Variants in CACNG2 observed in about 807,000 individuals in gnomAD.
The protein encoded by CACNG2 is calcium voltage-gated channel auxiliary subunit gamma 2.
A neutral mutation model predicts 25.9 loss-of-function variants in CACNG2; 3 were observed. The observed-to-expected ratio is 0.12, with a 90% confidence interval of 0.05 to 0.30. The LOEUF (loss-of-function observed/expected upper bound fraction) is 0.30. CACNG2 is among the 10% of genes least tolerant of loss of function. The pLI is 1.00. For missense variants in CACNG2, 341 were observed against 432.5 expected, an observed-to-expected ratio of 0.79 and a Z score of 1.88; for synonymous variants, 167 against 173.3, an observed-to-expected ratio of 0.96 and a Z score of 0.29.
chr22:36,694,327 T>C (rs909844247), intron 1 of CACNG2, among the ~76,000 whole-genome samples: 3 of 152,170 alleles, frequency 2.0e-5, no homozygotes, highest in East Asian at 1.9e-4. Context: ...ATTAGCGGTG[T>C]CTTAGAACTG....
At chr22:36,627,065 C>A (rs1936195747) in intron 1 of CACNG2, among the ~76,000 whole-genome samples, 1 of 152,244 alleles carries the variant, frequency 6.6e-6, no homozygotes, top group South Asian at 2.1e-4. Context: ...AAGTCTGTCA[C>A]TCCTCTGAGG....
intron 1 of CACNG2, among the ~76,000 whole-genome samples, chr22:36,613,005 T>A (rs1446089697): frequency 1.3e-5 from 2 of 152,208 alleles, no homozygotes; most frequent in Admixed American, 6.5e-5. Flanking sequence ...CACTGGCAAG[T>A]AAGTTTGGGA....
intron 1 of CACNG2, among the ~76,000 whole-genome samples, chr22:36,664,450 G>A (rs1413014060): frequency 6.6e-6 from 1 of 152,210 alleles, no homozygotes; most frequent in Non-Finnish European, 1.5e-5. Context: ...GCGTCCCTGG[G>A]TGCCAGGCCC....
chr22:36,703,115 C>G lies in CACNG2; in HGVS notation c.-539G>C, dbSNP rs1463772876. The stretch of plus-strand genomic sequence containing the variant: ...TGCGCCATGAAAATCCTTTGCTTCG[C>G]CAGTTCTCTTCCTTGGGGGGTCTCG... On this transcript the variant is annotated 5_prime_UTR_variant, in exon 1 of 4. Transcript: ENST00000300105. The G allele has an allele frequency of 6.3e-6, 1 of 158,368 alleles. No homozygotes were observed. Among genetic ancestry groups the G allele is most frequent in the African/African-American group, 2.4e-5 (1 of 41,476 alleles). The allele number at this position is 158,368 out of a possible 1,614,324, so 9.8% of individuals were successfully genotyped here.
chr22:36,680,962 C>A (rs746408261), intron 1 of CACNG2, among the ~76,000 whole-genome samples: 29 of 151,882 alleles, frequency 1.9e-4, no homozygotes, highest in Non-Finnish European at 3.5e-4. Context: ...AGATTCTTTT[C>A]TTTTCCTGTC....
At chr22:36,595,843 C>A (rs1935670505) in intron 1 of CACNG2, among the ~76,000 whole-genome samples, 1 of 152,230 alleles carries the variant, frequency 6.6e-6, no homozygotes, top group Non-Finnish European at 1.5e-5. Context: ...TGAGTTCAGG[C>A]CCCGCTGAGG....
At chr22:36,695,103 C>A (rs964824393) in intron 1 of CACNG2, among the ~76,000 whole-genome samples, 2 of 152,096 alleles carry the variant, frequency 1.3e-5, no homozygotes, top group Non-Finnish European at 2.9e-5. Flanking sequence ...GTCTTCTCAG[C>A]TACTTCAAAG....
intron 1 of CACNG2, among the ~76,000 whole-genome samples, chr22:36,660,472 T>A (rs932306581): frequency 1.3e-5 from 2 of 152,252 alleles, no homozygotes. Flanking sequence ...ATTCTCACTC[T>A]CTGTCTTGGA....
Position 36,702,623 on chromosome 22 carries a change from AGT to A in CACNG2, c.-49_-48del, listed in dbSNP as rs1937424948. 6.7e-7 allele frequency: 1 copy of A among 1,493,304 alleles called. No individual in the cohort carries two copies. Among genetic ancestry groups the A allele is most frequent in the Non-Finnish European group, 9.3e-7 (1 of 1,069,916 alleles). The allele number at this position is 1,493,304 out of a possible 1,614,324, so 92.5% of individuals were successfully genotyped here. A position where few individuals can be genotyped will look rare whatever the true frequency, so the allele number is the denominator to read the frequency against. On this transcript the variant is annotated 5_prime_UTR_variant, in exon 1 of 4. Transcript: ENST00000300105. ...CCAACCGACTTCTGGTTCTCGGGAG[AGT>A]GTGTGTGAGGGTGCAAGTACTAAAG...
intron 1 of CACNG2, among the ~76,000 whole-genome samples, chr22:36,699,873 G>A (rs187667614): frequency 6.6e-6 from 1 of 152,318 alleles, no homozygotes; most frequent in Non-Finnish European, 1.5e-5. Flanking sequence ...GAAAATAAGA[G>A]GCTTACAATC....
intron 1 of CACNG2, among the ~76,000 whole-genome samples, chr22:36,601,726 A>G (rs1259913905): frequency 2.0e-5 from 3 of 152,126 alleles, no homozygotes; most frequent in African/African-American, 7.2e-5. Flanking sequence ...CTTGTGATCC[A>G]TGCGCCTCGG....
intron 1 of CACNG2, among the ~76,000 whole-genome samples, chr22:36,683,166 C>T (rs1326538778): frequency 6.6e-6 from 1 of 152,202 alleles, no homozygotes; most frequent in Admixed American, 6.6e-5. Context: ...GATTTATTTC[C>T]AGGCCCCCAC....
intron 1 of CACNG2, among the ~76,000 whole-genome samples, chr22:36,612,691 G>T (rs1025932863): frequency 3.2e-4 from 48 of 152,194 alleles, no homozygotes; most frequent in African/African-American, 1.1e-3. Context: ...CATGTCCAAA[G>T]AATGTGCTTC....
At chr22:36,636,509 T>G (rs1213548655) in intron 1 of CACNG2, among the ~76,000 whole-genome samples, 1 of 152,196 alleles carries the variant, frequency 6.6e-6, no homozygotes, top group Admixed American at 6.5e-5. Flanking sequence ...TAAGAAATTG[T>G]CCCTGATAAT....
intron 1 of CACNG2, among the ~76,000 whole-genome samples, chr22:36,598,852 G>A (rs977665811): frequency 1.6e-4 from 24 of 151,814 alleles, no homozygotes; most frequent in African/African-American, 5.3e-4. Flanking sequence ...GGTGGCACGC[G>A]CCTGTAGTCC....
At chr22:36,587,884 AGCCCGTCTCTGT>A (rs976931223) in intron 1 of CACNG2, among the ~76,000 whole-genome samples, 6 of 152,338 alleles carry the variant, frequency 3.9e-5, no homozygotes, top group South Asian at 2.1e-4. Context: ...AATGCTCCTC[AGCCCGTCTCTGT>A]GCCCCAGCAT....
intron 1 of CACNG2, among the ~76,000 whole-genome samples, chr22:36,631,680 C>A (rs1936273521): frequency 6.6e-6 from 1 of 151,848 alleles, no homozygotes; most frequent in South Asian, 2.1e-4. Context: ...CTCTCAGCCT[C>A]AGGATAGCAA....
At chr22:36,583,551 AG>A (rs1935455160) in intron 2 of CACNG2, among the ~76,000 whole-genome samples, 1 of 152,074 alleles carries the variant, frequency 6.6e-6, no homozygotes. Flanking sequence ...TTGGGGAGAA[AG>A]AAGAGTTGCT....
rs144971282 is a variant in CACNG2 at position 36,628,433 on chromosome 22, T to C, written c.212-40885A>G. On this transcript the variant is annotated intron_variant, in intron 1 of 3. Coordinates refer to ENST00000300105, the MANE Select transcript of CACNG2 (RefSeq NM_006078.5). ...GCAAATGCCTCTGCTCTGCACGATG[T>C]GTGCAAACACTAGTTATAACGAGCA... is the stretch of plus-strand genomic sequence containing the variant. Among the ~76,000 whole-genome samples the C allele has an allele frequency of 6.0e-3, 910 of 152,364 alleles. 13 individuals are homozygous for C. Among genetic ancestry groups the C allele is most frequent in the African/African-American group, 0.021 (863 of 41,588 alleles).
Sources: allele counts gnomAD v4.1 joint callset (sites outside exome capture counted in the v4.1 genomes callset), GRCh38; gene constraint gnomAD v4.1.1; transcripts MANE v1.5; gene names NCBI Gene and HGNC (gene_info 2026-07-23, HGNC 2026-07-21).